Variants in HERC2 observed in about 807,000 individuals in gnomAD.
HERC2 encodes HECT and RLD domain containing E3 ubiquitin protein ligase 2.
Under a neutral mutation model 537.7 loss-of-function variants are expected in HERC2, and 102 were observed. The ratio of observed to expected loss-of-function variants is 0.19; its 90% CI spans 0.16 to 0.22. HERC2 has a LOEUF of 0.22. Ranked by LOEUF, HERC2 falls within the 10% of genes least tolerant of loss-of-function variation. The pLI, the probability that HERC2 is intolerant of heterozygous loss-of-function variation, is 1.00. For missense variants in HERC2, 4,236 were observed against 6,198.2 expected, an observed-to-expected ratio of 0.68 and a Z score of 10.63; for synonymous variants, 2,224 against 2,466.2, an observed-to-expected ratio of 0.90 and a Z score of 2.91.
chr15:28,151,483 C>A (rs1205581076), intron 70 of HERC2, among the ~76,000 whole-genome samples: 1 of 151,914 alleles, frequency 6.6e-6, no homozygotes, highest in Non-Finnish European at 1.5e-5. Flanking sequence ...CAAATAAATA[C>A]ATAAATAAAA....
chr15:28,167,932 G>A (rs1305039672), intron 67 of HERC2, 105 bp from the exon 68 acceptor site: 1 of 1,232,504 alleles, frequency 8.1e-7, no homozygotes, highest in East Asian at 2.4e-5. Context: ...TACTTGGGCT[G>A]TTTAGAATGT....
intron 48 of HERC2, among the ~76,000 whole-genome samples, chr15:28,199,418 A>G (rs1897681222): frequency 6.6e-6 from 1 of 152,238 alleles, no homozygotes; most frequent in African/African-American, 2.4e-5. Context: ...AATAAGGAAA[A>G]CAAAGCTTCC....
chr15:28,220,119 C>T (rs1596264940), intron 37 of HERC2, among the ~76,000 whole-genome samples: 1 of 152,318 alleles, frequency 6.6e-6, no homozygotes. Flanking sequence ...TCGGCTCACT[C>T]GCTCAGACAC....
intron 2 of HERC2, among the ~76,000 whole-genome samples, chr15:28,310,838 G>A (rs2141272529): frequency 6.6e-6 from 1 of 152,224 alleles, no homozygotes; most frequent in South Asian, 2.1e-4. Context: ...AGCACTTTGG[G>A]AGGCCGAAGC....
In HERC2 at chr15:28,272,911, C is replaced by T. The variant is rs2075777009; in HGVS notation, c.894G>A (p.Val298=). ...LALAILLELA[V]QRGTLSQMLS... The stretch of plus-strand genomic sequence containing the variant: ...GCCCTCACCTCAGCGTGCCTCTCTG[C>T]ACAGCCAGCTCCAGCAGGATGGCCA... The change falls in exon 8 of 93, where the codon GTG becomes GTA. Residue 298 remains valine (V), a synonymous_variant. Transcript: ENST00000261609. The T allele has an allele frequency of 6.2e-7, 1 of 1,611,296 alleles. No individual in the cohort carries two copies. Among genetic ancestry groups the T allele is most frequent in the African/African-American group, 1.3e-5 (1 of 75,018 alleles).
At chr15:28,221,181 A>AG (rs1483106319) in intron 36 of HERC2, among the ~76,000 whole-genome samples, 1 of 151,422 alleles carries the variant, frequency 6.6e-6, no homozygotes, top group Non-Finnish European at 1.5e-5. Flanking sequence ...TGCTTTACCA[A>AG]GGAAGTCGGG....
chr15:28,202,455 C>A lies in HERC2; in HGVS notation c.7372G>T (p.Ala2458Ser). 1.3e-6 allele frequency: 2 copies of A among 1,524,836 alleles called. No individual in the cohort carries two copies. The highest frequency in any genetic ancestry group is 2.8e-5 in the African/African-American group (2 of 72,548). 94.5% of individuals were successfully genotyped at this position (1,524,836 alleles called of 1,614,324 possible). Reference protein sequence around the residue: ...VKRRKQSPVPALPIVVQLMEM... With the variant: ...VKRRKQSPVPSLPIVVQLMEM... Reference sequence around the variant, plus strand: ...ATGAGCTGCACCACGATCGGCAGAGCGGGAACGGGCGACTGCTTGCGCCTC... The same window carrying A: ...ATGAGCTGCACCACGATCGGCAGAGAGGGAACGGGCGACTGCTTGCGCCTC... The change falls in exon 46 of 93, where the codon GCT becomes TCT. Residue 2458 changes from alanine (A) to serine (S), a missense_variant. This residue lies in a region of HERC2 where 35 missense variants were observed against 68.7 expected (regional missense o/e 0.51). Coordinates refer to ENST00000261609, the MANE Select transcript of HERC2 (RefSeq NM_004667.6).
intron 56 of HERC2, among the ~76,000 whole-genome samples, chr15:28,184,714 TAGCCGGGCATGGC>T (rs769201763): frequency 6.6e-6 from 1 of 151,120 alleles, no homozygotes; most frequent in East Asian, 2.0e-4. Context: ...ACAAAAAAAT[TAGCCGGGCATGGC>T]GGCGTGCACC....
intron 40 of HERC2, 59 bp downstream of exon 40, chr15:28,214,596 T>A: frequency 3.8e-6 from 6 of 1,593,814 alleles, no homozygotes; most frequent in Non-Finnish European, 5.2e-6. Flanking sequence ...GCCACCCACC[T>A]GAGTGACGGC....
chr15:28,184,668 T>C (rs2140215109), intron 56 of HERC2, among the ~76,000 whole-genome samples: 1 of 151,992 alleles, frequency 6.6e-6, no homozygotes, highest in South Asian at 2.1e-4. Context: ...GAGATCATCC[T>C]GGCTAACACG....
intron 3 of HERC2, among the ~76,000 whole-genome samples, chr15:28,297,624 C>T (rs1425392299): frequency 6.6e-6 from 1 of 151,954 alleles, no homozygotes; most frequent in Non-Finnish European, 1.5e-5. Flanking sequence ...AACCCGACTA[C>T]GTGATTCCAT....
chr15:28,208,652 C>A (rs941190752), intron 44 of HERC2, among the ~76,000 whole-genome samples: 1 of 152,148 alleles, frequency 6.6e-6, no homozygotes, highest in African/African-American at 2.4e-5. Context: ...ATCGACAAAC[C>A]CTGAGCTCCA....
intron 2 of HERC2, among the ~76,000 whole-genome samples, chr15:28,319,853 CAA>C (rs1468117415): frequency 6.6e-6 from 1 of 152,098 alleles, no homozygotes; most frequent in Admixed American, 6.6e-5. Flanking sequence ...TCCTTTACTC[CAA>C]AAAGTTTCTC....
chr15:28,211,925 C>T (rs1899281511), intron 43 of HERC2, among the ~76,000 whole-genome samples: 1 of 152,166 alleles, frequency 6.6e-6, no homozygotes, highest in Non-Finnish European at 1.5e-5. Flanking sequence ...AAAGAATGAG[C>T]AGAGAGAAGA....
chr15:28,175,641 G>A lies in HERC2; in HGVS notation c.9702C>T (p.Tyr3234=), dbSNP rs1283773868. 1.2e-6 allele frequency: 2 copies of A among 1,614,042 alleles called. No individual in the cohort carries two copies. The highest frequency in any genetic ancestry group is 1.7e-6 in the Non-Finnish European group (2 of 1,180,048). Residue 3234 remains tyrosine (Y), a synonymous_variant, in exon 64 of 93, where the codon TAC becomes TAT. Coordinates refer to ENST00000261609, the MANE Select transcript of HERC2 (RefSeq NM_004667.6). The part of the protein sequence containing the change: ...GVVWTWGKGD[Y]FRLGHGSDVH... ...CGTCAGAGCCGTGGCCCAATCTGAAGTAATCCCCCTTTCCCCTGAGAGAAG... is the reference window on the plus strand; with the variant it reads ...CGTCAGAGCCGTGGCCCAATCTGAAATAATCCCCCTTTCCCCTGAGAGAAG...
chr15:28,120,451 C>G (rs1200238508), intron 86 of HERC2, among the ~76,000 whole-genome samples: 2 of 152,178 alleles, frequency 1.3e-5, no homozygotes, highest in East Asian at 3.8e-4. Flanking sequence ...AGAGGCGAGG[C>G]CAGTTTCATT....
chr15:28,238,721 A>G lies in HERC2; in HGVS notation c.3629T>C (p.Ile1210Thr), dbSNP rs545686064. 69 of 1,611,584 alleles carry G rather than the reference A, an allele frequency of 4.3e-5. No homozygotes were observed. Among genetic ancestry groups the G allele is most frequent in the Admixed American group, 1.7e-4 (10 of 60,002 alleles). ...ATGGTTCTCCAAATCAGCTTTGCGT[A>G]TAAGTGTCACTTCCTCATTATTTCT... Reference protein sequence around the residue: ...NCRNNEEVTLIRKADLENHNK... With the variant: ...NCRNNEEVTLTRKADLENHNK... Residue 1210 changes from isoleucine (I) to threonine (T), a missense_variant, in exon 24 of 93, where the codon ATA (isoleucine) becomes ACA (threonine). By Grantham distance (89) the Ile-to-Thr change is moderately conservative. Around this residue, in one of 27 missense-constraint regions of HERC2, gnomAD observed 754 missense variants for 1,085.0 expected, o/e 0.69. Coordinates refer to ENST00000261609, the MANE Select transcript of HERC2 (RefSeq NM_004667.6).
chr15:28,290,401 TG>T (rs1243291956), intron 4 of HERC2, among the ~76,000 whole-genome samples: 2 of 152,200 alleles, frequency 1.3e-5, no homozygotes, highest in East Asian at 3.8e-4. Context: ...AGCTAATTTT[TG>T]TATGTTTCAT....
chr15:28,210,947 T>C (rs1344374627), intron 44 of HERC2, 55 bp downstream of exon 44: 11 of 971,922 alleles, frequency 1.1e-5, no homozygotes, highest in South Asian at 7.7e-5. Flanking sequence ...TCACTTCCTT[T>C]GTCTACTTTC....
Sources: gnomAD v4.1 joint callset for allele counts (sites outside exome capture counted in the v4.1 genomes callset) on GRCh38, gnomAD v4.1.1 for gene constraint, gnomAD v4.1.1 regional missense constraint, MANE v1.5 for transcripts, NCBI Gene and HGNC (gene_info 2026-07-23, HGNC 2026-07-21) for gene names.